Variants in RNF38 observed in about 807,000 individuals in gnomAD.
The protein encoded by RNF38 is ring finger protein 38.
RNF38 carries 15 observed loss-of-function variants against 67.2 expected under a neutral mutation model. That is an observed-to-expected ratio of 0.22 (90% CI 0.15 to 0.34). The LOEUF (loss-of-function observed/expected upper bound fraction) is 0.34. Ranked by LOEUF, RNF38 falls within the 10% of genes least tolerant of loss-of-function variation. RNF38 has a pLI of 1.00. For missense variants in RNF38, 524 were observed against 639.9 expected (o/e 0.82, Z 1.95); for synonymous variants, 220 against 218.8 (o/e 1.01, Z -0.05).
intron 2 of RNF38, among the ~76,000 whole-genome samples, chr9:36,410,618 C>T (rs1160277991): frequency 2.0e-5 from 3 of 152,150 alleles, no homozygotes; most frequent in Non-Finnish European, 2.9e-5. Flanking sequence ...CAGGCAGAAC[C>T]GAGGCAGGAA....
rs547322677 is a variant in RNF38 at position 36,349,997 on chromosome 9, T to G, written c.1263+1118A>C. Among the ~76,000 whole-genome samples, 4 of 152,252 alleles carry G rather than the reference T, an allele frequency of 2.6e-5. 1 individual carries two copies. In the South Asian group the frequency reaches 8.3e-4, roughly 32 times the overall value. On this transcript the variant is annotated intron_variant, in intron 9 of 11. Transcript: ENST00000259605. ...CCACGCCTCGCTAATTTTAGTATTTTTATAGAAACGGGGTTTCACCATGTT... is the reference window on the plus strand; with the variant it reads ...CCACGCCTCGCTAATTTTAGTATTTGTATAGAAACGGGGTTTCACCATGTT...
At chr9:36,451,536 T>G in intron 1 of RNF38, among the ~76,000 whole-genome samples, 1 of 147,756 alleles carries the variant, frequency 6.8e-6, no homozygotes, top group Non-Finnish European at 1.5e-5. Context: ...GTTTCGCTTT[T>G]GTTGCTCAGG....
In RNF38 at chr9:36,339,658, G is replaced by C; in HGVS notation, c.*94C>G. ...GGTCCATTGACCCTTTTGGTAAAGG[G>C]AGGGCTGGAAGCCACACAGATTAAG... On this transcript the variant is annotated 3_prime_UTR_variant, in exon 12 of 12. Coordinates refer to ENST00000259605, the MANE Select transcript of RNF38 (RefSeq NM_022781.5). 2.1e-6 allele frequency: 2 copies of C among 962,132 alleles called. No homozygotes were observed. The highest frequency in any genetic ancestry group is 3.3e-6 in the Non-Finnish European group (2 of 609,262). The allele number at this position is 962,132 out of a possible 1,614,324, so 59.6% of individuals were successfully genotyped here. A position where few individuals can be genotyped will look rare whatever the true frequency, so the allele number is the denominator to read the frequency against.
At position 36,375,965 on chromosome 9, in the gene RNF38, G is replaced by T. The variant is rs905053377; in HGVS notation, c.325C>A (p.Arg109=). Reference sequence around the variant, plus strand: ...CTGTTGCGTGCAGGTGTGTTGCATCGTTCCCCTGAGAAGTGATGTTGGCTT... The same window carrying T: ...CTGTTGCGTGCAGGTGTGTTGCATCTTTCCCCTGAGAAGTGATGTTGGCTT... The part of the protein sequence containing the change: ...RPSQHHFSGE[R]CNTPARNRRS... Residue 109 remains arginine (R), a synonymous_variant, in exon 3 of 12, where the codon CGA becomes AGA. Transcript: ENST00000259605. The T allele has an allele frequency of 1.2e-6, 2 of 1,612,676 alleles. No homozygotes were observed. Among genetic ancestry groups the T allele is most frequent in the African/African-American group, 2.7e-5 (2 of 74,878 alleles).
chr9:36,414,711 T>C (rs1264388932), intron 2 of RNF38, among the ~76,000 whole-genome samples: 1 of 151,914 alleles, frequency 6.6e-6, no homozygotes, highest in Non-Finnish European at 1.5e-5. Flanking sequence ...AAAAAAGATT[T>C]AGAACTCCTT....
chr9:36,362,911 C>CCACT (rs1834673560), intron 4 of RNF38, among the ~76,000 whole-genome samples: 1 of 106,932 alleles, frequency 9.4e-6, no homozygotes, highest in African/African-American at 2.9e-5. Context: ...GGATTACAAG[C>CCACT]GTGAGGCACC....
At chr9:36,398,110 C>T (rs1837679942) in intron 1 of RNF38, among the ~76,000 whole-genome samples, 1 of 152,102 alleles carries the variant, frequency 6.6e-6, no homozygotes, top group African/African-American at 2.4e-5. Context: ...TGCTTGCCTG[C>T]CATATGCTGG....
chr9:36,384,917 T>G (rs1402024891), intron 2 of RNF38, among the ~76,000 whole-genome samples: 2 of 152,206 alleles, frequency 1.3e-5, no homozygotes, highest in Non-Finnish European at 2.9e-5. Context: ...GTTCAAGAAG[T>G]TCTGCAAGGG....
chr9:36,455,061 CTCT>C (rs1341132608), intron 1 of RNF38, among the ~76,000 whole-genome samples: 1 of 151,616 alleles, frequency 6.6e-6, no homozygotes, highest in Non-Finnish European at 1.5e-5. Flanking sequence ...CAAATGCAAT[CTCT>C]TTTTTTTTTT....
chr9:36,427,273 G>A (rs1435945866), intron 1 of RNF38, among the ~76,000 whole-genome samples: 1 of 152,152 alleles, frequency 6.6e-6, no homozygotes, highest in Non-Finnish European at 1.5e-5. Flanking sequence ...AGGAAAAGGG[G>A]AAGAAAGGAA....
In RNF38 at chr9:36,344,960, C is replaced by G. The variant is rs376635303; in HGVS notation, c.1264-7G>C. 6.3e-7 allele frequency: 1 copy of G among 1,596,678 alleles called. No homozygotes were observed. Among genetic ancestry groups the G allele is most frequent in the Non-Finnish European group, 8.5e-7 (1 of 1,171,934 alleles). The stretch of plus-strand genomic sequence containing the variant: ...CTGCCAGGTTTAACAGGGCCTGCAG[C>G]GGTAAAAGACGACATATTTTCATCT... On this transcript the variant is annotated splice_polypyrimidine_tract_variant and splice_region_variant and intron_variant, in intron 9 of 11. Transcript: ENST00000259605.
chr9:36,482,360 T>C (rs1448348683), intron 1 of RNF38, among the ~76,000 whole-genome samples: 1 of 130,952 alleles, frequency 7.6e-6, no homozygotes, highest in African/African-American at 2.9e-5. Flanking sequence ...GACCTTTTTT[T>C]TTTTTTTTTT....
In RNF38 at chr9:36,345,039, T is replaced by A. The variant is rs947529787; in HGVS notation, c.1264-86A>T. On this transcript the variant is annotated intron_variant, in intron 9 of 11. Transcript: ENST00000259605. ...TTTTTTTTAAGAGATGGAGTCCTGC[T>A]ATGTTGCCCAGGCTAGAGTATAGCG... 7 of 1,430,062 alleles carry A rather than the reference T, an allele frequency of 4.9e-6. No individual in the cohort carries two copies. The South Asian group carries it at 7.7e-5, about 16-fold the overall frequency. 88.6% of individuals were successfully genotyped at this position (1,430,062 alleles called of 1,614,324 possible).
chr9:36,484,826 G>A (rs1335454600), intron 1 of RNF38, among the ~76,000 whole-genome samples: 1 of 152,158 alleles, frequency 6.6e-6, no homozygotes, highest in African/African-American at 2.4e-5. Context: ...AGTGAGGCTA[G>A]TTTATTTTTC....
Position 36,411,650 on chromosome 9 carries a change from C to T in RNF38, n.312+12963G>A, listed in dbSNP as rs141269786. Among the ~76,000 whole-genome samples the T allele has an allele frequency of 5.7e-3, 874 of 152,274 alleles. 6 individuals are homozygous for T. The highest frequency in any genetic ancestry group is 0.02 in the African/African-American group (834 of 41,548). On this transcript the variant is annotated intron_variant and non_coding_transcript_variant, in intron 2 of 3. Transcript: ENST00000488058. ...AATCTTGGGTCACTACAACCTCCGCCTCCCAGGTTCAAGTGATCCTCCTGC... is the reference window on the plus strand; with the variant it reads ...AATCTTGGGTCACTACAACCTCCGCTTCCCAGGTTCAAGTGATCCTCCTGC...
intron 1 of RNF38, among the ~76,000 whole-genome samples, chr9:36,428,454 CATATAT>C (rs10588812): frequency 6.2e-5 from 9 of 146,066 alleles, no homozygotes; most frequent in Admixed American, 1.4e-4. Context: ...CTATTGTTTA[CATATAT>C]ATATATATAT....
At chr9:36,474,547 T>C (rs1840079206) in intron 1 of RNF38, among the ~76,000 whole-genome samples, 1 of 148,164 alleles carries the variant, frequency 6.7e-6, no homozygotes, top group Non-Finnish European at 1.5e-5. Context: ...GGAATTAGAC[T>C]ACCTGGGTTC....
chr9:36,420,227 T>C (rs1007755504), intron 2 of RNF38, among the ~76,000 whole-genome samples: 4 of 152,120 alleles, frequency 2.6e-5, no homozygotes, highest in African/African-American at 9.7e-5. Context: ...GTGTTGTGAC[T>C]ACCTGGTTAA....
chr9:36,403,663 G>C (rs984583015), upstream of RNF38, among the ~76,000 whole-genome samples: 1 of 152,164 alleles, frequency 6.6e-6, no homozygotes, highest in Non-Finnish European at 1.5e-5. Flanking sequence ...GGAAAATGCT[G>C]AAGTTCCTTC....
Sources: gnomAD v4.1 joint callset for allele counts (sites outside exome capture counted in the v4.1 genomes callset) on GRCh38, gnomAD v4.1.1 for gene constraint, MANE v1.5 for transcripts, NCBI Gene and HGNC (gene_info 2026-07-23, HGNC 2026-07-21) for gene names.